Variants in STRN3 observed in about 807,000 individuals in gnomAD.
STRN3 encodes striatin-3.
STRN3 carries 29 observed loss-of-function variants against 95.6 expected under a neutral mutation model. That is an observed-to-expected ratio of 0.30 (90% CI 0.23 to 0.41). The LOEUF is 0.41. STRN3 is among the 10% of genes least tolerant of loss of function. The pLI, the probability that STRN3 is intolerant of heterozygous loss-of-function variation, is 1.00. For synonymous variants in STRN3, 331 were observed against 357.6 expected (o/e 0.93, Z 0.84); for missense variants, 890 against 972.1 (o/e 0.92, Z 1.12).
At chr14:30,953,985 G>T (rs542556959) in intron 3 of STRN3, among the ~76,000 whole-genome samples, 1 of 152,176 alleles carries the variant, frequency 6.6e-6, no homozygotes, top group South Asian at 2.1e-4. Flanking sequence ...TTTCAGAGCA[G>T]CATTATCAAT....
chr14:30,906,437 A>G (rs1453297933), intron 14 of STRN3, among the ~76,000 whole-genome samples: 3 of 152,300 alleles, frequency 2.0e-5, no homozygotes, highest in Non-Finnish European at 2.9e-5. Context: ...CATGAAAATA[A>G]CCCAATTTGT....
chr14:30,952,339 A>G lies in STRN3; in HGVS notation c.461-1395T>C, dbSNP rs899621628. On this transcript the variant is annotated intron_variant, in intron 3 of 17. Transcript: ENST00000357479. ...CTCTGTGAGGCTCCTAGACTCCTCA[A>G]AATCACTTAGTAGTGATTCAAATGT... Among the ~76,000 whole-genome samples the G allele has an allele frequency of 3.9e-5, 6 of 152,254 alleles. No homozygotes were observed. In the East Asian group the frequency reaches 5.8e-4, roughly 15 times the overall value.
At chr14:31,023,938 C>T (rs770017175) in intron 1 of STRN3, among the ~76,000 whole-genome samples, 10 of 149,462 alleles carry the variant, frequency 6.7e-5, no homozygotes, top group Non-Finnish European at 1.2e-4. Context: ...AACAAGGAAA[C>T]AAACAAAAAC....
chr14:30,961,984 G>GA (rs71112361), intron 1 of STRN3, among the ~76,000 whole-genome samples: 96,494 of 152,042 alleles, frequency 0.63, 31,631 homozygotes, highest in Non-Finnish European at 0.73. Flanking sequence ...GGTCCTTCAG[G>GA]AAGTATTCCA....
chr14:30,921,340 C>T (rs1273583056), intron 8 of STRN3, among the ~76,000 whole-genome samples: 1 of 152,236 alleles, frequency 6.6e-6, no homozygotes, highest in Non-Finnish European at 1.5e-5. Flanking sequence ...AAGTTAAAAT[C>T]TTCTGTACAC....
chr14:30,930,949 G>C (rs546068334), intron 7 of STRN3, among the ~76,000 whole-genome samples: 1 of 152,146 alleles, frequency 6.6e-6, no homozygotes, highest in Non-Finnish European at 1.5e-5. Context: ...CCCTTAAGTT[G>C]TATGAAGTTT....
intron 1 of STRN3, among the ~76,000 whole-genome samples, chr14:31,017,658 T>C (rs957792579): frequency 6.6e-5 from 10 of 152,198 alleles, no homozygotes; most frequent in Non-Finnish European, 5.9e-5. Flanking sequence ...GGAAGGTATA[T>C]GAATGTATTC....
intron 15 of STRN3, 100 bp downstream of exon 15, chr14:30,905,318 C>T: frequency 8.4e-7 from 1 of 1,193,986 alleles, no homozygotes; most frequent in Admixed American, 3.5e-5. Flanking sequence ...TTTTGCCATC[C>T]TAAATTCAAA....
rs556807076 is a variant in STRN3 at position 30,894,133 on chromosome 14, T to A, written c.*1278A>T. On this transcript the variant is annotated 3_prime_UTR_variant, in exon 18 of 18. Transcript: ENST00000357479. The stretch of plus-strand genomic sequence containing the variant: ...TAGTTACACCATAAAATTAAGCACA[T>A]CTAAAAAAATAAAACAGGGATAACT... The A allele has an allele frequency of 2.0e-5, 3 of 152,662 alleles. No homozygotes were observed. The highest frequency in any genetic ancestry group is 4.4e-5 in the Non-Finnish European group (3 of 67,988). The allele number at this position is 152,662 out of a possible 1,614,324, so 9.5% of individuals were successfully genotyped here. A position where few individuals can be genotyped will look rare whatever the true frequency, so the allele number is the denominator to read the frequency against.
intron 9 of STRN3, among the ~76,000 whole-genome samples, chr14:30,915,356 T>C (rs762232486): frequency 2.0e-5 from 3 of 152,182 alleles, no homozygotes; most frequent in Admixed American, 6.5e-5. Context: ...AAATAAGCTA[T>C]ATAATCTGAC....
chr14:30,925,508 C>T (rs2139036863), intron 8 of STRN3, among the ~76,000 whole-genome samples: 1 of 152,044 alleles, frequency 6.6e-6, no homozygotes, highest in Admixed American at 6.6e-5. Flanking sequence ...GAAGCTTATG[C>T]TAATTCAGTA....
At chr14:30,908,443 TG>T (rs1454452978) in intron 13 of STRN3, among the ~76,000 whole-genome samples, 6 of 152,208 alleles carry the variant, frequency 3.9e-5, no homozygotes, top group African/African-American at 1.4e-4. Context: ...CCCATTATAT[TG>T]CTTTTCATCC....
At chr14:31,003,289 AAGAG>A (rs1377186690) in intron 1 of STRN3, among the ~76,000 whole-genome samples, 1 of 151,804 alleles carries the variant, frequency 6.6e-6, no homozygotes, top group Non-Finnish European at 1.5e-5. Context: ...AAGAAAAAGA[AAGAG>A]AAAGTGGTTA....
At chr14:31,003,667 G>A (rs1594569937) in intron 1 of STRN3, among the ~76,000 whole-genome samples, 2 of 152,030 alleles carry the variant, frequency 1.3e-5, no homozygotes, top group Admixed American at 6.6e-5. Flanking sequence ...ACAGATGCTC[G>A]ATCTTGAACT....
chr14:30,917,426 C>A (rs572900785), intron 9 of STRN3, among the ~76,000 whole-genome samples: 2 of 152,036 alleles, frequency 1.3e-5, no homozygotes, highest in African/African-American at 4.8e-5. Context: ...GCTAACGTGG[C>A]TTTGCCTTAA....
At chr14:30,914,925 T>A (rs1896698854) in intron 9 of STRN3, among the ~76,000 whole-genome samples, 1 of 152,228 alleles carries the variant, frequency 6.6e-6, no homozygotes, top group Non-Finnish European at 1.5e-5. Flanking sequence ...CCAATTAAAC[T>A]CTGCCATAAT....
At chr14:30,991,429 T>C (rs1881948714) in intron 1 of STRN3, among the ~76,000 whole-genome samples, 1 of 152,100 alleles carries the variant, frequency 6.6e-6, no homozygotes, top group Non-Finnish European at 1.5e-5. Context: ...ATAAAGTAAA[T>C]AGGACAGGCA....
chr14:30,977,794 G>GAAAAAAAAAAAA (rs869303485), intron 1 of STRN3, among the ~76,000 whole-genome samples: 1 of 109,926 alleles, frequency 9.1e-6, no homozygotes, highest in Admixed American at 1.0e-4. Flanking sequence ...ACTCTATCTC[G>GAAAAAAAAAAAA]AAAAAAAAAA....
chr14:31,015,438 T>C (rs1883195549), intron 1 of STRN3, among the ~76,000 whole-genome samples: 1 of 151,816 alleles, frequency 6.6e-6, no homozygotes, highest in Non-Finnish European at 1.5e-5. Context: ...AATGGCACGA[T>C]CTAGGCTCAC....
Sources: allele counts gnomAD v4.1 joint callset (sites outside exome capture counted in the v4.1 genomes callset), GRCh38; gene constraint gnomAD v4.1.1; transcripts MANE v1.5; gene names NCBI Gene and HGNC (gene_info 2026-07-23, HGNC 2026-07-21).